Variants in TRMT2B observed in about 807,000 individuals in gnomAD.
TRMT2B encodes tRNA methyltransferase 2B, also known as tRNA (uracil-5-)-methyltransferase homolog B.
In TRMT2B, 34 loss-of-function variants were observed where a neutral mutation model predicts 39.7. The ratio of observed to expected loss-of-function variants is 0.86; its 90% confidence interval spans 0.65 to 1.14. The LOEUF is 1.14. Among genes scored for constraint, TRMT2B ranks in the 50% most tolerant of loss-of-function variants. The pLI is 0.00. For synonymous variants in TRMT2B, 132 were observed against 137.3 expected, an observed-to-expected ratio of 0.96 and a Z score of 0.27; for missense variants, 318 against 377.2, an observed-to-expected ratio of 0.84 and a Z score of 1.30.
At chrX:101,049,321 C>T (rs958239567) in intron 2 of TRMT2B, among the ~76,000 whole-genome samples, 6 of 108,546 alleles carry the variant, frequency 5.5e-5, no homozygotes, top group African/African-American at 2.0e-4. Context: ...TAGCGAGATC[C>T]GGTCTCTACA....
the TRMT2B span, among the ~76,000 whole-genome samples, chrX:100,975,912 G>A: frequency 1.8e-5 from 2 of 110,850 alleles, no homozygotes; most frequent in Non-Finnish European, 1.9e-5. Flanking sequence ...GGAATTACAG[G>A]TGTGAGCCAC....
chrX:100,982,151 G>A, the TRMT2B span, among the ~76,000 whole-genome samples: 1 of 110,829 alleles, frequency 9.0e-6, no homozygotes, highest in East Asian at 2.9e-4. Flanking sequence ...AAATCATGAT[G>A]CTTCAGCCCC....
chrX:101,042,657 C>A (rs12011123), intron 2 of TRMT2B, among the ~76,000 whole-genome samples: 20,591 of 111,092 alleles, frequency 0.19, 1,516 homozygotes, highest in Non-Finnish European at 0.2. Flanking sequence ...AGACATCATG[C>A]CACACTAGAC....
rs769854950 is a variant in TRMT2B at position 101,023,732 on chromosome X, C to T, written c.610-116G>A. ...TCCCCCAAAAATTCCTATGTTGAAGCCTTAACCACCAGTACTCAAAATGTG... is the reference window on the plus strand; with the variant it reads ...TCCCCCAAAAATTCCTATGTTGAAGTCTTAACCACCAGTACTCAAAATGTG... On this transcript the variant is annotated intron_variant, in intron 7 of 13. Transcript: ENST00000372936. 3 of 677,569 alleles carry T rather than the reference C, an allele frequency of 4.4e-6. No individual in the cohort carries two copies. The East Asian group carries it at 1.1e-4, about 24-fold the overall frequency. 55.8% of individuals were successfully genotyped at this position (677,569 alleles called of 1,213,427 possible).
intron 2 of TRMT2B, among the ~76,000 whole-genome samples, chrX:101,047,882 C>T (rs1435977993): frequency 9.1e-6 from 1 of 109,350 alleles, no homozygotes; most frequent in Non-Finnish European, 1.9e-5. Context: ...GTCTCAAACT[C>T]CTGGACTCAA....
the TRMT2B span, among the ~76,000 whole-genome samples, chrX:100,994,790 T>C: frequency 9.0e-6 from 1 of 111,309 alleles, no homozygotes; most frequent in African/African-American, 3.3e-5. Flanking sequence ...TTTGTTTTAG[T>C]GGCAGGGTCT....
At chrX:100,979,711 C>T in the TRMT2B span, among the ~76,000 whole-genome samples, 1 of 111,555 alleles carries the variant, frequency 9.0e-6, no homozygotes, top group Non-Finnish European at 1.9e-5. Context: ...TTTATGCAGG[C>T]TGGGGTTGTT....
downstream of TRMT2B, among the ~76,000 whole-genome samples, chrX:101,004,644 G>A (rs747250339): frequency 4.5e-5 from 5 of 110,615 alleles, no homozygotes; most frequent in African/African-American, 1.3e-4. Flanking sequence ...TGAGATCATA[G>A]GCGTGCACCA....
In TRMT2B at chrX:101,037,013, T is replaced by C; in HGVS notation, c.499A>G (p.Asn167Asp). The change falls in exon 6 of 14, where the codon AAT (asparagine) becomes GAT (aspartate). Residue 167 changes from asparagine to aspartate, a missense_variant. By Grantham distance (23) the Asn-to-Asp change is conservative (BLOSUM62 1). Coordinates refer to ENST00000372936, the MANE Select transcript of TRMT2B (RefSeq NM_024917.6). ...AGGTAGAACCCCACAGTCTTTGGAT[T>C]GCCATCTGGACCTCGGTTCACAGAG... Reference protein sequence around the residue: ...TFSVNRGPDGNPKTVGFYLGT... With the variant: ...TFSVNRGPDGDPKTVGFYLGT... 8.3e-7 allele frequency: 1 copy of C among 1,211,639 alleles called. No individual in the cohort carries two copies.
Position 101,010,579 on chromosome X carries a change from G to A in TRMT2B, c.*2C>T, listed in dbSNP as rs1179783936. On this transcript the variant is annotated 3_prime_UTR_variant, in exon 14 of 14. Coordinates refer to ENST00000372936, the MANE Select transcript of TRMT2B (RefSeq NM_024917.6). ...ATAGCCTGCTGTCTTCTAGGAGGCT[G>A]CTTATCGAGTAAAGAGGAGCACCAG... is the stretch of plus-strand genomic sequence containing the variant. 1 of 1,211,055 alleles carries A rather than the reference G, an allele frequency of 8.3e-7. No homozygotes were observed. Among genetic ancestry groups the A allele is most frequent in the Non-Finnish European group, 1.1e-6 (1 of 895,173 alleles).
intron 7 of TRMT2B, among the ~76,000 whole-genome samples, chrX:101,027,494 G>C (rs1057320934): frequency 9.2e-6 from 1 of 108,539 alleles, no homozygotes; most frequent in Admixed American, 1.0e-4. Flanking sequence ...CGCCCACCTT[G>C]GCCTCCCAAA....
At chrX:101,031,874 A>G (rs1385954693) in intron 7 of TRMT2B, among the ~76,000 whole-genome samples, 3 of 111,873 alleles carry the variant, frequency 2.7e-5, no homozygotes, top group East Asian at 2.8e-4. Context: ...ATGTAGGTCA[A>G]TAAAATTTCA....
chrX:100,977,654 T>A, the TRMT2B span, among the ~76,000 whole-genome samples: 3 of 111,839 alleles, frequency 2.7e-5, no homozygotes, highest in Non-Finnish European at 5.6e-5. Flanking sequence ...GTGCTGGGAT[T>A]ATAGGCATGT....
At chrX:100,990,861 A>C in the TRMT2B span, 1 of 262,885 alleles carries the variant, frequency 3.8e-6, no homozygotes, top group Non-Finnish European at 6.8e-6. Context: ...TTTCAGTCAT[A>C]CCTCCATAAA....
the TRMT2B span, among the ~76,000 whole-genome samples, chrX:100,973,388 C>T: frequency 2.0e-5 from 2 of 100,797 alleles, no homozygotes; most frequent in Admixed American, 1.1e-4. Context: ...TCGGGCCCCG[C>T]GGGGCCCGTC....
rs1237099408 is a variant in TRMT2B, at chrX:101,042,041, C to T, written c.248+1G>A. On this transcript the variant is annotated splice_donor_variant, in intron 3 of 13. Coordinates refer to ENST00000372936, the MANE Select transcript of TRMT2B (RefSeq NM_024917.6). LOFTEE classifies it high-confidence loss of function. ...AGAGAGGACATCAGCCTGGCCTTTA[C>T]CTTTCCTGCCAGGAACCATCTAGTG... is the stretch of plus-strand genomic sequence containing the variant. 8.3e-7 allele frequency: 1 copy of T among 1,211,319 alleles called. No individual in the cohort carries two copies.
At chrX:100,992,976 T>C in the TRMT2B span, among the ~76,000 whole-genome samples, 2 of 112,133 alleles carry the variant, frequency 1.8e-5, no homozygotes, top group Middle Eastern at 4.6e-3. Context: ...AAGATCCCTC[T>C]TACAACCCCA....
intron 2 of TRMT2B, among the ~76,000 whole-genome samples, chrX:101,049,487 CA>C (rs1168727839): frequency 0.044 from 951 of 21,633 alleles, 7 homozygotes; most frequent in Non-Finnish European, 0.061. Flanking sequence ...ACCCTGTCTC[CA>C]AAAAAAAAAA....
the TRMT2B span, among the ~76,000 whole-genome samples, chrX:100,976,715 C>T: frequency 1.8e-5 from 2 of 112,338 alleles, no homozygotes; most frequent in Admixed American, 9.4e-5. Flanking sequence ...TGGATTCAAC[C>T]GATTCTCCTG....
Sources: gnomAD v4.1 joint callset for allele counts (sites outside exome capture counted in the v4.1 genomes callset) on GRCh38, gnomAD v4.1.1 for gene constraint, MANE v1.5 for transcripts, NCBI Gene and HGNC (gene_info 2026-07-23, HGNC 2026-07-21) for gene names.